Variants in KAZN observed in about 807,000 individuals in gnomAD.
KAZN encodes kazrin.
In KAZN, 40 loss-of-function variants were observed where a neutral mutation model predicts 87.4. That is an observed-to-expected ratio of 0.46 (90% CI 0.36 to 0.60). The LOEUF (loss-of-function observed/expected upper bound fraction) is 0.60. Among genes scored for constraint, KAZN ranks in the 20% least tolerant of loss-of-function variants. The pLI is 0.00. For missense variants in KAZN, 898 were observed against 1,073.9 expected, an observed-to-expected ratio of 0.84 and a Z score of 2.29; for synonymous variants, 466 against 458.3, an observed-to-expected ratio of 1.02 and a Z score of -0.22.
rs374913141 is a variant in KAZN at position 14,624,424 on chromosome 1, G to GAAA, written c.226+25211_226+25213dup. Among the ~76,000 whole-genome samples, 74 of 137,932 alleles carry GAAA rather than the reference G, an allele frequency of 5.4e-4. 2 individuals are homozygous for GAAA. The highest frequency in any genetic ancestry group is 1.8e-3 in the African/African-American group (70 of 37,956). The allele number at this position is 137,932 out of a possible 152,430, so 90.5% of individuals were successfully genotyped here. On this transcript the variant is annotated intron_variant, in intron 1 of 14. Transcript: ENST00000376030. The stretch of plus-strand genomic sequence containing the variant: ...CCAACAGAGCGAGACTCCGTCTCAA[G>GAAA]AAAAAAAAAAAACAACAAAAAAAAC...
At chr1:14,867,724 A>ATCCC (rs35065469) in intron 1 of KAZN, among the ~76,000 whole-genome samples, 119 of 107,426 alleles carry the variant, frequency 1.1e-3, no homozygotes, top group Non-Finnish European at 1.4e-3. Flanking sequence ...CTTTGAAGAC[A>ATCCC]CCCCCCCCCC....
At chr1:14,872,514 A>G (rs1652253390) in intron 1 of KAZN, among the ~76,000 whole-genome samples, 3 of 152,240 alleles carry the variant, frequency 2.0e-5, no homozygotes, top group Admixed American at 2.0e-4. Context: ...GAAGTGCTAT[A>G]AGGGAATATT....
At chr1:14,830,671 A>C (rs1465978627) in intron 1 of KAZN, among the ~76,000 whole-genome samples, 1 of 152,114 alleles carries the variant, frequency 6.6e-6, no homozygotes, top group Non-Finnish European at 1.5e-5. Flanking sequence ...AAGAGAGTGA[A>C]GGGGGAGTGC....
rs190809299 is a variant in KAZN, at chr1:13,975,368, T to G, written c.91+81612T>G. Among the ~76,000 whole-genome samples the G allele has an allele frequency of 2.6e-5, 4 of 152,266 alleles. No individual in the cohort carries two copies. In the East Asian group the frequency reaches 7.7e-4, roughly 29 times the overall value. ...AAAAAAGGTCTCTTTATTCTAAGAG[T>G]ATCTTTGAGTGAGAAAGGAGCTTCA... On this transcript the variant is annotated intron_variant, in intron 1 of 16. Transcript: ENST00000636203.
At chr1:14,155,653 T>A (rs1364676868) in intron 1 of KAZN, among the ~76,000 whole-genome samples, 3 of 152,102 alleles carry the variant, frequency 2.0e-5, no homozygotes, top group East Asian at 3.9e-4. Flanking sequence ...TTCTTCTTCT[T>A]CTTCTTCTTT....
chr1:14,473,187 G>A (rs1453057236), intron 2 of KAZN, among the ~76,000 whole-genome samples: 1 of 152,014 alleles, frequency 6.6e-6, no homozygotes, highest in African/African-American at 2.4e-5. Flanking sequence ...ATAAAATACA[G>A]GATACTCAGT....
In KAZN at chr1:14,880,702, C is replaced by A. The variant is rs554551751; in HGVS notation, c.227-79982C>A. On this transcript the variant is annotated intron_variant, in intron 1 of 14. Coordinates refer to ENST00000376030, the MANE Select transcript of KAZN (RefSeq NM_201628.3). ...GGCTGGGCTCAGCTGGGACTGCCAA[C>A]TGGACTGCCTGCTTGTGGCTTCTCC... 2.6e-5 allele frequency among the ~76,000 whole-genome samples: 4 copies of A among 152,312 alleles called. No individual in the cohort carries two copies. In the South Asian group the frequency reaches 8.3e-4, roughly 32 times the overall value.
intron 1 of KAZN, among the ~76,000 whole-genome samples, chr1:14,677,202 G>A (rs1640279215): frequency 6.6e-6 from 1 of 152,168 alleles, no homozygotes; most frequent in Admixed American, 6.5e-5. Flanking sequence ...ACAGGTTACA[G>A]GGCTATTAAG....
intron 2 of KAZN, among the ~76,000 whole-genome samples, chr1:14,332,748 T>C (rs142573269): frequency 6.6e-6 from 1 of 152,312 alleles, no homozygotes; most frequent in East Asian, 1.9e-4. Flanking sequence ...CTTAACAGCT[T>C]TGAATTTGAG....
intron 3 of KAZN, among the ~76,000 whole-genome samples, chr1:15,042,398 A>T (rs886202964): frequency 3.9e-5 from 6 of 152,234 alleles, no homozygotes; most frequent in South Asian, 2.1e-4. Flanking sequence ...CTTCAAATAA[A>T]GAAAACAGGT....
At chr1:14,414,601 G>A (rs1347522105) in intron 2 of KAZN, among the ~76,000 whole-genome samples, 1 of 151,536 alleles carries the variant, frequency 6.6e-6, no homozygotes, top group African/African-American at 2.4e-5. Flanking sequence ...AAACAATCTT[G>A]CATGCACATA....
chr1:15,088,765 C>T (rs1640391234), intron 8 of KAZN, among the ~76,000 whole-genome samples: 1 of 152,066 alleles, frequency 6.6e-6, no homozygotes, highest in Non-Finnish European at 1.5e-5. Context: ...GTGCTCAGTC[C>T]TCAGGGGTGG....
chr1:14,064,153 T>C (rs1642907968), intron 1 of KAZN, among the ~76,000 whole-genome samples: 1 of 152,144 alleles, frequency 6.6e-6, no homozygotes, highest in Admixed American at 6.5e-5. Flanking sequence ...CCTGACCTCA[T>C]GATCCCTTGG....
At chr1:14,766,670 C>G (rs562488946) in intron 1 of KAZN, among the ~76,000 whole-genome samples, 20 of 148,648 alleles carry the variant, frequency 1.3e-4, no homozygotes, top group African/African-American at 4.5e-4. Context: ...CAGTCCTCCC[C>G]CTGTTGGAGC....
chr1:14,717,264 C>A (rs80327801), intron 1 of KAZN, among the ~76,000 whole-genome samples: 127 of 152,064 alleles, frequency 8.4e-4, no homozygotes, highest in Non-Finnish European at 1.4e-3. Context: ...TGTACCCTGG[C>A]ATGAGCTTTC....
intron 1 of KAZN, among the ~76,000 whole-genome samples, chr1:14,762,540 A>G (rs10927537): frequency 0.012 from 1,880 of 152,198 alleles, 44 homozygotes; most frequent in African/African-American, 0.042. Flanking sequence ...CCTGGCTAAC[A>G]TGGTGAAACC....
chr1:14,594,936 T>C (rs1431153328), upstream of KAZN, among the ~76,000 whole-genome samples: 1 of 151,914 alleles, frequency 6.6e-6, no homozygotes, highest in Non-Finnish European at 1.5e-5. Context: ...CACAAGGTCA[T>C]GAGTTCAAGA....
At chr1:13,910,497 ACT>A (rs1237027235) in intron 1 of KAZN, among the ~76,000 whole-genome samples, 1 of 149,864 alleles carries the variant, frequency 6.7e-6, no homozygotes, top group East Asian at 2.0e-4. Context: ...ACAGAGTGAG[ACT>A]CTGTCTAAAA....
chr1:14,989,958 G>T (rs567912612), intron 2 of KAZN, among the ~76,000 whole-genome samples: 9 of 152,150 alleles, frequency 5.9e-5, no homozygotes, highest in Non-Finnish European at 1.3e-4. Flanking sequence ...GCTGCCGTGG[G>T]CTGGGGTGTG....
Sources: gnomAD v4.1 joint callset for allele counts (sites outside exome capture counted in the v4.1 genomes callset) on GRCh38, gnomAD v4.1.1 for gene constraint, MANE v1.5 for transcripts, NCBI Gene and HGNC (gene_info 2026-07-23, HGNC 2026-07-21) for gene names.